Variants in CADPS observed in about 807,000 individuals in gnomAD.
CADPS encodes calcium dependent secretion activator, also known as calcium-dependent secretion activator 1.
In CADPS, 57 loss-of-function variants were observed where a neutral mutation model predicts 167.3. The observed-to-expected ratio is 0.34, with a 90% CI of 0.28 to 0.42. The LOEUF (loss-of-function observed/expected upper bound fraction) is 0.42. Ranked by LOEUF, CADPS falls within the 20% of genes least tolerant of loss-of-function variation. CADPS has a pLI of 1.00. For missense variants in CADPS, 1,414 were observed against 1,738.1 expected (o/e 0.81, Z 3.32); for synonymous variants, 676 against 635.3 (o/e 1.06, Z -0.96).
chr3:62,594,812 T>C (rs2058693357), intron 6 of CADPS, among the ~76,000 whole-genome samples: 1 of 152,226 alleles, frequency 6.6e-6, no homozygotes, highest in Non-Finnish European at 1.5e-5. Flanking sequence ...CTTTCAAGGC[T>C]TGAGATGCCT....
At chr3:62,600,146 ATTTC>A (rs1179519531) in intron 6 of CADPS, among the ~76,000 whole-genome samples, 1 of 146,994 alleles carries the variant, frequency 6.8e-6, no homozygotes, top group Non-Finnish European at 1.5e-5. Flanking sequence ...TGAGGAGTTG[ATTTC>A]TTTCTTTTTT....
At chr3:62,542,040 T>C (rs1190425222) in intron 11 of CADPS, among the ~76,000 whole-genome samples, 1 of 152,198 alleles carries the variant, frequency 6.6e-6, no homozygotes, top group Non-Finnish European at 1.5e-5. Flanking sequence ...TACCTTTTTA[T>C]TCTGTGATAT....
chr3:62,617,707 C>T (rs2062543344), intron 6 of CADPS, among the ~76,000 whole-genome samples: 1 of 152,100 alleles, frequency 6.6e-6, no homozygotes, highest in Non-Finnish European at 1.5e-5. Flanking sequence ...ACCTAACACA[C>T]ATGGTGTCAG....
chr3:62,693,214 C>T (rs1174988488), intron 3 of CADPS, among the ~76,000 whole-genome samples: 3 of 152,048 alleles, frequency 2.0e-5, no homozygotes, highest in South Asian at 4.1e-4. Context: ...GTGCTCATCA[C>T]CCCCACCTCA....
chr3:62,779,868 C>T (rs2091213528), intron 1 of CADPS: 1 of 196,686 alleles, frequency 5.1e-6, no homozygotes, highest in Admixed American at 5.6e-5. Context: ...GTAGATGGTA[C>T]AGTGAAGCAG....
intron 28 of CADPS, among the ~76,000 whole-genome samples, chr3:62,424,738 C>A (rs956657629): frequency 5.9e-5 from 9 of 152,222 alleles, no homozygotes; most frequent in African/African-American, 2.2e-4. Context: ...TTACATGAAC[C>A]AGAATACTAT....
At chr3:62,517,138 T>C (rs1454568631) in intron 14 of CADPS, among the ~76,000 whole-genome samples, 1 of 152,132 alleles carries the variant, frequency 6.6e-6, no homozygotes, top group Non-Finnish European at 1.5e-5. Context: ...GACCGTCTGC[T>C]ACCGGTAATG....
intron 3 of CADPS, among the ~76,000 whole-genome samples, chr3:62,698,137 T>A (rs1580665964): frequency 6.6e-6 from 1 of 152,258 alleles, no homozygotes; most frequent in East Asian, 1.9e-4. Flanking sequence ...ATCACCCACC[T>A]TAGGTCTCTT....
intron 7 of CADPS, among the ~76,000 whole-genome samples, chr3:62,591,874 T>C (rs1187320930): frequency 6.6e-6 from 1 of 152,198 alleles, no homozygotes; most frequent in South Asian, 2.1e-4. Context: ...ATGATGCTCC[T>C]TAGTGAGGCA....
chr3:62,502,248 T>C (rs1050244635), intron 17 of CADPS, among the ~76,000 whole-genome samples: 15 of 152,050 alleles, frequency 9.9e-5, no homozygotes, highest in Non-Finnish European at 1.9e-4. Context: ...CAAAATCCTT[T>C]AGCACTTCTT....
chr3:62,595,643 TA>T (rs1207358275), intron 6 of CADPS, among the ~76,000 whole-genome samples: 5 of 152,346 alleles, frequency 3.3e-5, no homozygotes, highest in Non-Finnish European at 7.3e-5. Flanking sequence ...TATATTTATT[TA>T]TTTAATGATT....
At chr3:62,740,772 T>G (rs971157733) in intron 3 of CADPS, among the ~76,000 whole-genome samples, 1 of 152,230 alleles carries the variant, frequency 6.6e-6, no homozygotes, top group African/African-American at 2.4e-5. Context: ...GTTCCTATCA[T>G]GTGATGGGCT....
chr3:62,656,146 G>A (rs952471926), intron 4 of CADPS, among the ~76,000 whole-genome samples: 5 of 152,088 alleles, frequency 3.3e-5, no homozygotes, highest in African/African-American at 1.2e-4. Context: ...ACATGAATAT[G>A]TTTTGATCAC....
intron 6 of CADPS, among the ~76,000 whole-genome samples, chr3:62,639,890 A>C (rs370115522): frequency 1.1e-4 from 17 of 152,076 alleles, no homozygotes; most frequent in Middle Eastern, 3.4e-3. Flanking sequence ...CCTACCTCAA[A>C]GCCTTGCACT....
chr3:62,741,191 C>T (rs1021605231), intron 3 of CADPS, among the ~76,000 whole-genome samples: 8 of 152,118 alleles, frequency 5.3e-5, no homozygotes, highest in Non-Finnish European at 8.8e-5. Flanking sequence ...ACTATCCCAG[C>T]TGTACAAGGA....
At chr3:62,524,742 T>G (rs1257039824) in intron 13 of CADPS, among the ~76,000 whole-genome samples, 1 of 152,182 alleles carries the variant, frequency 6.6e-6, no homozygotes, top group East Asian at 1.9e-4. Flanking sequence ...CACAAGGACA[T>G]TAGTCAAAGT....
At chr3:62,683,041 T>G (rs1332436157) in intron 3 of CADPS, among the ~76,000 whole-genome samples, 1 of 151,970 alleles carries the variant, frequency 6.6e-6, no homozygotes, top group African/African-American at 2.4e-5. Context: ...AGAGGAAATG[T>G]TGGAAGCAGG....
chr3:62,698,982 A>G (rs1399423947), intron 3 of CADPS, among the ~76,000 whole-genome samples: 2 of 151,770 alleles, frequency 1.3e-5, no homozygotes, highest in Admixed American at 6.6e-5. Context: ...TTACTTCAGT[A>G]GGTTTTTGGG....
intron 5 of CADPS, among the ~76,000 whole-genome samples, chr3:62,647,616 C>T (rs999781655): frequency 5.9e-5 from 9 of 152,128 alleles, no homozygotes; most frequent in East Asian, 1.9e-4. Context: ...ATATGTATCC[C>T]GTGGCTGTTG....
Sources: allele counts gnomAD v4.1 joint callset (sites outside exome capture counted in the v4.1 genomes callset), GRCh38; gene constraint gnomAD v4.1.1; transcripts MANE v1.5; gene names NCBI Gene and HGNC (gene_info 2026-07-23, HGNC 2026-07-21).